Variants in SUMF1 observed in about 807,000 individuals in gnomAD.
The protein encoded by SUMF1 is sulfatase modifying factor 1.
A neutral mutation model predicts 47.6 loss-of-function variants in SUMF1; 48 were observed. That is an observed-to-expected ratio of 1.01 (90% CI 0.80 to 1.28). The LOEUF (loss-of-function observed/expected upper bound fraction) is 1.28. Among genes scored for constraint, SUMF1 ranks in the 50% most tolerant of loss-of-function variants. SUMF1 has a pLI of 0.00. For synonymous variants in SUMF1, 230 were observed against 192.1 expected (o/e 1.20, Z -1.63); for missense variants, 571 against 485.4 (o/e 1.18, Z -1.66).
Position 4,335,960 on chromosome 3 carries a change from C to CAAAAAAAACAAAAAAAAAAAAAAAAAA in SUMF1, c.1014+40369_1014+40370insTTTTTTTTTTTTTTTTTTGTTTTTTTT, listed in dbSNP as rs5846319. Among the ~76,000 whole-genome samples, 5 of 73,896 alleles carry CAAAAAAAACAAAAAAAAAAAAAAAAAA rather than the reference C, an allele frequency of 6.8e-5. 1 individual carries two copies. The highest frequency in any genetic ancestry group is 1.2e-4 in the Non-Finnish European group (5 of 43,130). The allele number at this position is 73,896 out of a possible 152,430, so 48.5% of individuals were successfully genotyped here. ...TGGACAACTGAGTGAGATTCCAACT[C>CAAAAAAAACAAAAAAAAAAAAAAAAAA]AAAAAAAAAAAAAAAAAAAACAGAA... On this transcript the variant is annotated intron_variant and NMD_transcript_variant, in intron 8 of 12. Coordinates refer to the SUMF1 transcript ENST00000448413.
chr3:4,060,406 C>T (rs527544708), intron 9 of SUMF1, among the ~76,000 whole-genome samples: 2 of 152,222 alleles, frequency 1.3e-5, no homozygotes, highest in East Asian at 1.9e-4. Context: ...CTCTCTGCCT[C>T]GGTTTTCTCA....
chr3:4,188,792 C>T (rs761237739), intron 8 of SUMF1, among the ~76,000 whole-genome samples: 23 of 152,140 alleles, frequency 1.5e-4, no homozygotes, highest in Admixed American at 5.9e-4. Flanking sequence ...ATTAAGTGAG[C>T]TCATCCATGT....
intron 8 of SUMF1, among the ~76,000 whole-genome samples, chr3:4,349,232 G>A (rs1196862106): frequency 6.6e-6 from 1 of 152,088 alleles, no homozygotes; most frequent in Non-Finnish European, 1.5e-5. Context: ...TGCAGCCAAT[G>A]GACATATGAA....
intron 8 of SUMF1, among the ~76,000 whole-genome samples, chr3:4,237,826 A>C (rs929470466): frequency 6.6e-6 from 1 of 152,142 alleles, no homozygotes; most frequent in South Asian, 2.1e-4. Flanking sequence ...ACATGTACAG[A>C]AAGTGCATGT....
chr3:4,369,814 C>T (rs1377088139), intron 8 of SUMF1, among the ~76,000 whole-genome samples: 1 of 152,070 alleles, frequency 6.6e-6, no homozygotes, highest in African/African-American at 2.4e-5. Flanking sequence ...GGCCCATGGG[C>T]CACACTTTGA....
At chr3:4,454,018 A>C (rs1386424307) in intron 1 of SUMF1, among the ~76,000 whole-genome samples, 1 of 152,048 alleles carries the variant, frequency 6.6e-6, no homozygotes, top group Non-Finnish European at 1.5e-5. Context: ...CTTTTGAATT[A>C]TTTTTAAAAG....
intron 8 of SUMF1, chr3:4,303,971 T>A: frequency 2.6e-6 from 2 of 764,466 alleles, no homozygotes; most frequent in Non-Finnish European, 3.6e-6. Context: ...CGCTGTGGGC[T>A]CTTGGGCGAG....
At chr3:4,040,179 T>C (rs1694883865) in intron 9 of SUMF1, among the ~76,000 whole-genome samples, 1 of 152,162 alleles carries the variant, frequency 6.6e-6, no homozygotes, top group African/African-American at 2.4e-5. Flanking sequence ...AAAACATCAT[T>C]TTGTACTCCT....
intron 8 of SUMF1, among the ~76,000 whole-genome samples, chr3:4,245,377 T>C (rs546272060): frequency 6.6e-6 from 1 of 152,308 alleles, no homozygotes; most frequent in Admixed American, 6.5e-5. Context: ...TGCAGTTTTA[T>C]CTACCTTTGG....
At chr3:4,399,006 C>T (rs1004691098) in intron 7 of SUMF1, among the ~76,000 whole-genome samples, 11 of 152,124 alleles carry the variant, frequency 7.2e-5, no homozygotes, top group African/African-American at 2.7e-4. Context: ...AAAGTCAAAA[C>T]CTCTAGAGCT....
At chr3:4,217,415 G>A (rs768508073) in intron 8 of SUMF1, among the ~76,000 whole-genome samples, 7 of 144,092 alleles carry the variant, frequency 4.9e-5, no homozygotes, top group East Asian at 2.1e-4. Context: ...CCTAATGTAG[G>A]TGACAGGTTG....
intron 8 of SUMF1, among the ~76,000 whole-genome samples, chr3:4,243,091 G>C (rs1175668254): frequency 6.6e-6 from 1 of 152,156 alleles, no homozygotes; most frequent in Non-Finnish European, 1.5e-5. Flanking sequence ...TTGTATTTCT[G>C]TGGGATTGAT....
intron 8 of SUMF1, among the ~76,000 whole-genome samples, chr3:4,304,416 A>G (rs565698781): frequency 6.6e-6 from 1 of 152,336 alleles, no homozygotes; most frequent in Admixed American, 6.5e-5. Context: ...TGCTGGGATT[A>G]CAGGCATGAG....
At chr3:4,366,876 G>T (rs934244657) in intron 8 of SUMF1, among the ~76,000 whole-genome samples, 2 of 152,144 alleles carry the variant, frequency 1.3e-5, no homozygotes, top group African/African-American at 2.4e-5. Context: ...TGATGATGGT[G>T]ATGTACAGAT....
In SUMF1 at chr3:4,076,737, C is replaced by T. The variant is rs190519847; in HGVS notation, c.1015-7992G>A. Among the ~76,000 whole-genome samples, 971 of 152,260 alleles carry T rather than the reference C, an allele frequency of 6.4e-3. 12 individuals carry two copies. The highest frequency in any genetic ancestry group is 0.022 in the African/African-American group (920 of 41,512). Reference sequence around the variant, plus strand: ...GACACTGGCCGGGCGTGGTGGCTCACGCCTGTAATCCCAGCACTTTGGGAG... The same window carrying T: ...GACACTGGCCGGGCGTGGTGGCTCATGCCTGTAATCCCAGCACTTTGGGAG... On this transcript the variant is annotated intron_variant and NMD_transcript_variant, in intron 8 of 12. Transcript: ENST00000448413.
At chr3:4,184,751 C>G (rs747989615) in intron 8 of SUMF1, among the ~76,000 whole-genome samples, 1 of 150,954 alleles carries the variant, frequency 6.6e-6, no homozygotes, top group Non-Finnish European at 1.5e-5. Flanking sequence ...CGGGTTCAAG[C>G]GATCCTCCTG....
At chr3:4,424,910 A>G (rs1385264027) in intron 3 of SUMF1, among the ~76,000 whole-genome samples, 1 of 152,176 alleles carries the variant, frequency 6.6e-6, no homozygotes, top group African/African-American at 2.4e-5. Flanking sequence ...CACTGCTGCT[A>G]TTTTAGGCCA....
Position 4,458,400 on chromosome 3 carries a change from A to G in SUMF1, c.271-5351T>C, listed in dbSNP as rs142971382. ...TGGGTATATGGCCAAAGGAAATAAA[A>G]CCAGTATGCTGAAAAAATATCTACA... On this transcript the variant is annotated intron_variant, in intron 1 of 8. Coordinates refer to ENST00000272902, the MANE Select transcript of SUMF1 (RefSeq NM_182760.4). 4.0e-3 allele frequency among the ~76,000 whole-genome samples: 602 copies of G among 151,930 alleles called. 5 individuals carry two copies. The highest frequency in any genetic ancestry group is 0.014 in the African/African-American group (580 of 41,408).
intron 1 of SUMF1, among the ~76,000 whole-genome samples, chr3:4,454,610 G>A (rs551385727): frequency 1.3e-5 from 2 of 152,278 alleles, no homozygotes; most frequent in South Asian, 4.1e-4. Context: ...ATATGTCCAT[G>A]TAAAAACTTG....
Sources: gnomAD v4.1 joint callset for allele counts (sites outside exome capture counted in the v4.1 genomes callset) on GRCh38, gnomAD v4.1.1 for gene constraint, MANE v1.5 for transcripts, NCBI Gene and HGNC (gene_info 2026-07-23, HGNC 2026-07-21) for gene names.